INTS9: variants seen among roughly 807,000 people sequenced by gnomAD.
INTS9 encodes the protein protein related to CPSF subunits of 74 kDa.
In INTS9, 55 loss-of-function variants were observed where a neutral mutation model predicts 79.7. The ratio of observed to expected loss-of-function variants is 0.69; its 90% CI spans 0.56 to 0.86. The LOEUF is 0.86. INTS9 is among the 40% of genes least tolerant of loss of function. The pLI is 0.00. For missense variants in INTS9, 721 were observed against 831.5 expected, an observed-to-expected ratio of 0.87 and a Z score of 1.64; for synonymous variants, 319 against 325.2, an observed-to-expected ratio of 0.98 and a Z score of 0.20.
intron 3 of INTS9, among the ~76,000 whole-genome samples, chr8:28,849,081 C>A (rs1807686714): frequency 6.6e-6 from 1 of 152,188 alleles, no homozygotes; most frequent in Admixed American, 6.5e-5. Context: ...GTAAAAAGGG[C>A]ACCTCTTTAT....
chr8:28,825,810 A>C (rs764209903), intron 6 of INTS9, among the ~76,000 whole-genome samples: 54 of 152,226 alleles, frequency 3.5e-4, no homozygotes, highest in Admixed American at 8.5e-4. Context: ...AATAACCCAG[A>C]ACTTATTTCT....
At chr8:28,875,445 T>C (rs1809329795) in intron 1 of INTS9, among the ~76,000 whole-genome samples, 1 of 152,220 alleles carries the variant, frequency 6.6e-6, no homozygotes, top group African/African-American at 2.4e-5. Flanking sequence ...AGTTCAGATT[T>C]TGCCTCTCTA....
At chr8:28,856,154 T>A (rs1315567480) in intron 2 of INTS9, among the ~76,000 whole-genome samples, 1 of 152,304 alleles carries the variant, frequency 6.6e-6, no homozygotes, top group East Asian at 1.9e-4. Context: ...AAGACGAGAA[T>A]GACTACAGCA....
At chr8:28,801,514 CAAAA>C (rs1195287726) in intron 8 of INTS9, among the ~76,000 whole-genome samples, 1 of 149,864 alleles carries the variant, frequency 6.7e-6, no homozygotes, top group East Asian at 2.0e-4. Context: ...AACAAAAAAA[CAAAA>C]AAAACCCAAA....
intron 1 of INTS9, among the ~76,000 whole-genome samples, chr8:28,887,948 T>C (rs1190416813): frequency 6.6e-6 from 1 of 152,218 alleles, no homozygotes; most frequent in African/African-American, 2.4e-5. Flanking sequence ...AAGTAAACCC[T>C]GGCTTTTTGA....
chr8:28,885,582 T>C (rs1360670955), intron 1 of INTS9, among the ~76,000 whole-genome samples: 1 of 152,248 alleles, frequency 6.6e-6, no homozygotes, highest in Non-Finnish European at 1.5e-5. Context: ...GTACTATCTG[T>C]AGGAAGTACA....
intron 11 of INTS9, among the ~76,000 whole-genome samples, chr8:28,786,779 G>A (rs546223411): frequency 2.0e-5 from 3 of 152,102 alleles, no homozygotes; most frequent in Non-Finnish European, 2.9e-5. Flanking sequence ...GTGCAGTGGC[G>A]CGATCTGGGC....
At chr8:28,845,611 C>T (rs1262150484) in intron 4 of INTS9, among the ~76,000 whole-genome samples, 1 of 152,182 alleles carries the variant, frequency 6.6e-6, no homozygotes, top group East Asian at 1.9e-4. Context: ...GTTGGCGTGA[C>T]ACGTGGTCAA....
At chr8:28,862,168 T>C (rs1297774205) in intron 1 of INTS9, 2 of 985,302 alleles carry the variant, frequency 2.0e-6, no homozygotes, top group Non-Finnish European at 2.4e-6. Context: ...TCCAGTTTTC[T>C]TCCTCTGTCA....
At chr8:28,786,942 C>A (rs1464014442) in intron 11 of INTS9, among the ~76,000 whole-genome samples, 1 of 152,092 alleles carries the variant, frequency 6.6e-6, no homozygotes, top group Non-Finnish European at 1.5e-5. Context: ...TGGTCTCGAT[C>A]TCCTGACCTT....
At chr8:28,807,204 G>A (rs1378825870) in intron 8 of INTS9, among the ~76,000 whole-genome samples, 1 of 152,010 alleles carries the variant, frequency 6.6e-6, no homozygotes, top group Non-Finnish European at 1.5e-5. Flanking sequence ...AAGCAAAAAG[G>A]ACAAATCTCT....
chr8:28,880,380 T>C (rs1585531110), intron 1 of INTS9, among the ~76,000 whole-genome samples: 1 of 151,786 alleles, frequency 6.6e-6, no homozygotes, highest in Non-Finnish European at 1.5e-5. Flanking sequence ...TGCCTCAGCC[T>C]GCCGAGTGCC....
At position 28,794,006 on chromosome 8, in the gene INTS9, G is replaced by A; in HGVS notation, c.857-19C>T. On this transcript the variant is annotated intron_variant, in intron 9 of 16. Transcript: ENST00000521022. ...GTCAGAGCTAGAAAAGTGGATGCCA[G>A]AGGAGAAAAAACATCATATCAAAAG... 1 of 1,515,858 alleles carries A rather than the reference G, an allele frequency of 6.6e-7. No homozygotes were observed. Among genetic ancestry groups the A allele is most frequent in the South Asian group, 1.3e-5 (1 of 76,376 alleles). 93.9% of individuals were successfully genotyped at this position (1,515,858 alleles called of 1,614,324 possible). A position where few individuals can be genotyped will look rare whatever the true frequency, so the allele number is the denominator to read the frequency against.
At chr8:28,805,878 A>G (rs1323892880) in intron 8 of INTS9, among the ~76,000 whole-genome samples, 1 of 152,168 alleles carries the variant, frequency 6.6e-6, no homozygotes, top group East Asian at 1.9e-4. Context: ...TGGTAAAACT[A>G]CAATAGTCAT....
At chr8:28,772,453 C>T (rs897874747) in intron 14 of INTS9, among the ~76,000 whole-genome samples, 1 of 152,124 alleles carries the variant, frequency 6.6e-6, no homozygotes, top group Non-Finnish European at 1.5e-5. Context: ...GCAGAGGTTG[C>T]AGTGAGCCAA....
chr8:28,874,251 T>G (rs1809247765), intron 1 of INTS9, among the ~76,000 whole-genome samples: 1 of 152,006 alleles, frequency 6.6e-6, no homozygotes, highest in Non-Finnish European at 1.5e-5. Flanking sequence ...AGGGAAAAAA[T>G]TAAAGGCTCT....
chr8:28,840,655 A>G (rs990854992), intron 4 of INTS9, among the ~76,000 whole-genome samples: 6 of 147,598 alleles, frequency 4.1e-5, no homozygotes, highest in Non-Finnish European at 7.4e-5. Context: ...ACATGGATGA[A>G]ATTGGAAATC....
At chr8:28,778,013 G>A in intron 12 of INTS9, 60 bp from the exon 13 acceptor site, 2 of 1,508,836 alleles carry the variant, frequency 1.3e-6, no homozygotes, top group Non-Finnish European at 1.8e-6. Flanking sequence ...TGCCAAGCCA[G>A]ACAGCAACTG....
At chr8:28,843,081 T>C (rs1169801782) in intron 4 of INTS9, among the ~76,000 whole-genome samples, 2 of 152,232 alleles carry the variant, frequency 1.3e-5, no homozygotes, top group Non-Finnish European at 2.9e-5. Flanking sequence ...AGTCCCTTAG[T>C]GGCAAGGTAC....
Sources: gnomAD v4.1 joint callset for allele counts (sites outside exome capture counted in the v4.1 genomes callset) on GRCh38, gnomAD v4.1.1 for gene constraint, MANE v1.5 for transcripts, NCBI Gene and HGNC (gene_info 2026-07-23, HGNC 2026-07-21) for gene names.